PTPRD: variants seen among roughly 807,000 people sequenced by gnomAD.
PTPRD encodes receptor-type tyrosine-protein phosphatase delta.
A neutral mutation model predicts 214.5 loss-of-function variants in PTPRD; 34 were observed. The observed-to-expected ratio is 0.16, with a 90% confidence interval of 0.12 to 0.21. PTPRD has a LOEUF of 0.21. Among genes scored for constraint, PTPRD ranks in the 10% least tolerant of loss-of-function variants. The pLI is 1.00. For missense variants in PTPRD, 2,545 were observed against 2,398.7 expected, an observed-to-expected ratio of 1.06 and a Z score of -1.27; for synonymous variants, 1,128 against 845.7, an observed-to-expected ratio of 1.33 and a Z score of -5.79.
chr9:8,407,619 T>C (rs2093124603), intron 35 of PTPRD, among the ~76,000 whole-genome samples: 2 of 152,194 alleles, frequency 1.3e-5, no homozygotes, highest in South Asian at 4.1e-4. Context: ...CCAATCCAAA[T>C]GATATTTCTT....
At chr9:10,099,463 T>C (rs956264052) in intron 3 of PTPRD, among the ~76,000 whole-genome samples, 1 of 151,840 alleles carries the variant, frequency 6.6e-6, no homozygotes, top group Non-Finnish European at 1.5e-5. Flanking sequence ...AGTTAATATA[T>C]GTAAATTCCC....
intron 14 of PTPRD, among the ~76,000 whole-genome samples, chr9:8,556,654 G>A (rs1167356237): frequency 7.9e-5 from 12 of 151,828 alleles, no homozygotes; most frequent in Non-Finnish European, 1.6e-4. Context: ...TATATACAAG[G>A]GTTTGCTATA....
At chr9:9,877,523 T>C (rs939734035) in intron 5 of PTPRD, among the ~76,000 whole-genome samples, 1 of 152,126 alleles carries the variant, frequency 6.6e-6, no homozygotes, top group African/African-American at 2.4e-5. Flanking sequence ...ACTCCTATGA[T>C]CAAAGTGAGA....
At chr9:9,334,389 A>G (rs1425932517) in intron 9 of PTPRD, among the ~76,000 whole-genome samples, 1 of 152,004 alleles carries the variant, frequency 6.6e-6, no homozygotes, top group Non-Finnish European at 1.5e-5. Context: ...TCAGTATTCT[A>G]AAAGTTCTAG....
chr9:8,496,483 G>A (rs976945021), intron 26 of PTPRD, among the ~76,000 whole-genome samples: 1 of 152,116 alleles, frequency 6.6e-6, no homozygotes, highest in African/African-American at 2.4e-5. Flanking sequence ...TGTGTCCCTT[G>A]CAGTGGCATA....
chr9:8,346,198 A>G (rs976450027), intron 39 of PTPRD, among the ~76,000 whole-genome samples: 3 of 108,542 alleles, frequency 2.8e-5, no homozygotes, highest in South Asian at 2.8e-4. Flanking sequence ...ATAAATTGTT[A>G]TGTATTCAAA....
At chr9:9,105,731 A>C (rs1335743616) in intron 10 of PTPRD, among the ~76,000 whole-genome samples, 2 of 152,230 alleles carry the variant, frequency 1.3e-5, no homozygotes, top group Non-Finnish European at 2.9e-5. Flanking sequence ...GAAAATGTTC[A>C]GGGGATTATC....
chr9:8,760,778 A>T (rs1349330071), intron 11 of PTPRD, among the ~76,000 whole-genome samples: 1 of 152,076 alleles, frequency 6.6e-6, no homozygotes, highest in Non-Finnish European at 1.5e-5. Context: ...ATTCTAGGAG[A>T]TCTGGCTTCC....
chr9:9,127,797 A>G (rs1449151565), intron 10 of PTPRD, among the ~76,000 whole-genome samples: 3 of 152,204 alleles, frequency 2.0e-5, no homozygotes. Flanking sequence ...CAGAAAAAAT[A>G]AAATATGAAG....
chr9:10,532,673 C>T (rs2056707553), intron 2 of PTPRD, among the ~76,000 whole-genome samples: 1 of 148,670 alleles, frequency 6.7e-6, no homozygotes, highest in African/African-American at 2.5e-5. Flanking sequence ...TCTTTAAAAA[C>T]ATTGCACCAG....
chr9:10,381,060 T>A (rs1198892165), intron 2 of PTPRD, among the ~76,000 whole-genome samples: 1 of 151,624 alleles, frequency 6.6e-6, no homozygotes, highest in Non-Finnish European at 1.5e-5. Flanking sequence ...AATCATAGAC[T>A]ATTAATTCAA....
intron 2 of PTPRD, among the ~76,000 whole-genome samples, chr9:10,543,475 T>TACACACACACACACAC (rs201493444): frequency 1.0e-3 from 109 of 104,352 alleles, no homozygotes; most frequent in African/African-American, 3.3e-3. Context: ...TTAATATATA[T>TACACACACACACACAC]ATATACACAC....
intron 2 of PTPRD, among the ~76,000 whole-genome samples, chr9:10,381,101 CAA>C (rs556330760): frequency 1.4e-4 from 21 of 144,884 alleles, no homozygotes; most frequent in African/African-American, 5.0e-4. Flanking sequence ...AATATAAGAC[CAA>C]AAAAAAAAGA....
At chr9:8,564,060 G>C (rs2087733150) in intron 14 of PTPRD, among the ~76,000 whole-genome samples, 1 of 152,196 alleles carries the variant, frequency 6.6e-6, no homozygotes, top group South Asian at 2.1e-4. Flanking sequence ...TCCCAGGCTA[G>C]AGATATGTGG....
At chr9:10,098,719 C>G (rs1017401014) in intron 3 of PTPRD, among the ~76,000 whole-genome samples, 1 of 151,620 alleles carries the variant, frequency 6.6e-6, no homozygotes, top group Non-Finnish European at 1.5e-5. Flanking sequence ...TAAATTCAAG[C>G]CTTTAGAATG....
intron 35 of PTPRD, among the ~76,000 whole-genome samples, chr9:8,406,788 G>A (rs910741152): frequency 1.3e-5 from 2 of 152,060 alleles, no homozygotes; most frequent in South Asian, 4.1e-4. Context: ...TTATCATATG[G>A]CTTAGTGATT....
chr9:8,893,061 G>A (rs1160131275), intron 11 of PTPRD, among the ~76,000 whole-genome samples: 1 of 152,138 alleles, frequency 6.6e-6, no homozygotes, highest in Admixed American at 6.6e-5. Context: ...AAGTTTGATG[G>A]TGGATAAGAG....
intron 14 of PTPRD, among the ~76,000 whole-genome samples, chr9:8,539,019 G>C (rs2077669876): frequency 6.6e-6 from 1 of 151,846 alleles, no homozygotes; most frequent in Non-Finnish European, 1.5e-5. Context: ...AATACTCAAA[G>C]AATGAAAGGT....
chr9:9,544,885 T>C (rs893352059), intron 8 of PTPRD, among the ~76,000 whole-genome samples: 3 of 148,434 alleles, frequency 2.0e-5, no homozygotes, highest in African/African-American at 4.8e-5. Flanking sequence ...TTCTAGCCGA[T>C]AGCCCACATT....
Sources: allele counts gnomAD v4.1 joint callset (sites outside exome capture counted in the v4.1 genomes callset), GRCh38; gene constraint gnomAD v4.1.1; transcripts MANE v1.5; gene names NCBI Gene and HGNC (gene_info 2026-07-23, HGNC 2026-07-21).